Variants in MYH15 observed in about 807,000 individuals in gnomAD.
The protein encoded by MYH15 is myosin-15.
Under a neutral mutation model 240.5 loss-of-function variants are expected in MYH15, and 227 were observed. That is an observed-to-expected ratio of 0.94 (90% CI 0.85 to 1.05). The LOEUF (loss-of-function observed/expected upper bound fraction) is 1.05. Ranked by LOEUF, MYH15 falls within the 50% of genes least tolerant of loss-of-function variation. The pLI is 0.00. For missense variants in MYH15, 2,217 were observed against 2,247.5 expected (o/e 0.99, Z 0.27); for synonymous variants, 785 against 796.7 (o/e 0.99, Z 0.25).
At chr3:108,422,235 TTGAGACA>T (rs2082689485) in intron 27 of MYH15, among the ~76,000 whole-genome samples, 1 of 151,026 alleles carries the variant, frequency 6.6e-6, no homozygotes, top group African/African-American at 2.4e-5. Flanking sequence ...TTTTTTTTTT[TTGAGACA>T]GAGGCTCACT....
Position 108,464,651 on chromosome 3 carries a change from T to C in MYH15, c.1718A>G (p.His573Arg), listed in dbSNP as rs761774880. 6.2e-7 allele frequency: 1 copy of C among 1,612,384 alleles called. No individual in the cohort carries two copies. The highest frequency in any genetic ancestry group is 1.3e-5 in the African/African-American group (1 of 74,918). Residue 573 changes from histidine to arginine, a missense_variant, in exon 15 of 41, where the codon CAT becomes CGT. By Grantham distance (29) the His-to-Arg change is conservative (BLOSUM62 0). Transcript: ENST00000693548. ...KKFEAHFELV[H>R]YAGVVPYNIS... is the part of the protein sequence containing the mutation. ...GAGGTAACTCACCACTCCTGCATAA[T>C]GGACAAGTTCAAAATGAGCTTCAAA...
chr3:108,384,510 C>A (rs960780306), intron 39 of MYH15, among the ~76,000 whole-genome samples, 177 bp downstream of exon 39: 6 of 152,082 alleles, frequency 3.9e-5, no homozygotes, highest in Admixed American at 2.6e-4. Flanking sequence ...GGAAAAGCCA[C>A]GCACATTTTT....
chr3:108,491,406 C>T (rs1560423619), intron 9 of MYH15, among the ~76,000 whole-genome samples: 3 of 152,062 alleles, frequency 2.0e-5, no homozygotes, highest in East Asian at 3.9e-4. Flanking sequence ...ATGTTTATGG[C>T]ACTATCATTC....
Position 108,421,196 on chromosome 3 carries a change from A to G in MYH15, c.3721T>C (p.Cys1241Arg). 1 of 1,613,126 alleles carries G rather than the reference A, an allele frequency of 6.2e-7. No individual in the cohort carries two copies. Residue 1241 changes from cysteine to arginine, a missense_variant, in exon 28 of 41, where the codon TGT becomes CGT. Cys to Arg is a radical substitution (Grantham distance 180). Coordinates refer to ENST00000693548, the MANE Select transcript of MYH15 (RefSeq NM_014981.3). Reference sequence around the variant, plus strand: ...TGCAAGCGCTCTTCATATAGAGTACAGAGTTTCTCAGCATTTGCCTATAAG... The same window carrying G: ...TGCAAGCGCTCTTCATATAGAGTACGGAGTTTCTCAGCATTTGCCTATAAG... ...TRAKANAEKL[C>R]TLYEERLHEA...
At chr3:108,472,710 A>G (rs1358170448) in intron 12 of MYH15, among the ~76,000 whole-genome samples, 1 of 152,198 alleles carries the variant, frequency 6.6e-6, no homozygotes, top group African/African-American at 2.4e-5. Context: ...CAAGTAGTGG[A>G]GAAACACAAG....
intron 5 of MYH15, 78 bp downstream of exon 5, chr3:108,499,377 T>C (rs2083419460): frequency 7.1e-7 from 1 of 1,412,324 alleles, no homozygotes; most frequent in Admixed American, 1.8e-5. Flanking sequence ...ATCAAAGTTT[T>C]ATTCCCAGTG....
At chr3:108,478,966 T>A (rs1220984593) in intron 11 of MYH15, among the ~76,000 whole-genome samples, 6 of 152,204 alleles carry the variant, frequency 3.9e-5, no homozygotes, top group African/African-American at 1.4e-4. Flanking sequence ...ACAGGACTAG[T>A]GTACCCTGGA....
rs762179606 is a variant in MYH15, at chr3:108,470,197, G to A, written c.1399C>T (p.Gln467Ter). The change falls in exon 14 of 41, where the codon CAA (glutamine) becomes TAA (stop). Residue 467 changes from glutamine (Q) to a stop codon, truncating the protein, a stop_gained. Coordinates refer to ENST00000693548, the MANE Select transcript of MYH15 (RefSeq NM_014981.3). LOFTEE classifies it high-confidence loss of function. Reference sequence around the variant, plus strand: ...TCATTGGTAAAATTAATGCAAAGTTGCTCAAGGCTATTATACTTCAAGGAT... The same window carrying A: ...TCATTGGTAAAATTAATGCAAAGTTACTCAAGGCTATTATACTTCAAGGAT... ...FEILEYNSLE[Q>*]LCINFTNEKL... 6 of 1,605,716 alleles carry A rather than the reference G, an allele frequency of 3.7e-6. No individual in the cohort carries two copies. Among genetic ancestry groups the A allele is most frequent in the Admixed American group, 1.7e-5 (1 of 58,778 alleles).
At chr3:108,485,295 C>T in intron 10 of MYH15, 66 bp from the exon 11 acceptor site, 1 of 1,581,930 alleles carries the variant, frequency 6.3e-7, no homozygotes, top group Non-Finnish European at 8.6e-7. Context: ...CACCTCACCC[C>T]CGCTGTGTTA....
chr3:108,433,168 G>T (rs1057203091), intron 25 of MYH15, among the ~76,000 whole-genome samples: 2 of 152,176 alleles, frequency 1.3e-5, no homozygotes, highest in Non-Finnish European at 2.9e-5. Flanking sequence ...GTGTGCCCTG[G>T]ATGTGAGACA....
At chr3:108,513,296 A>G (rs2083534950), upstream of MYH15, among the ~76,000 whole-genome samples, 1 of 152,188 alleles carries the variant, frequency 6.6e-6, no homozygotes, top group Admixed American at 6.5e-5. Context: ...ATACTCACAC[A>G]TGTTTATCGG....
intron 26 of MYH15, among the ~76,000 whole-genome samples, chr3:108,430,419 C>T (rs1422689100): frequency 3.9e-5 from 6 of 152,178 alleles, no homozygotes; most frequent in Admixed American, 3.9e-4. Flanking sequence ...CAATCGCCTT[C>T]TAATCACAAA....
chr3:108,518,626 C>T (rs1021597790), intron 1 of MYH15, among the ~76,000 whole-genome samples: 1 of 152,182 alleles, frequency 6.6e-6, no homozygotes, highest in Non-Finnish European at 1.5e-5. Context: ...TGTCTCATCC[C>T]CAGGCCTGAC....
chr3:108,446,691 T>C (rs567250139), intron 21 of MYH15, among the ~76,000 whole-genome samples: 102 of 152,298 alleles, frequency 6.7e-4, no homozygotes, highest in East Asian at 1.5e-3. Context: ...CCTGGAGCGG[T>C]TAGCAACAAC....
rs529349972 is a variant in MYH15 at position 108,503,134 on chromosome 3, C to A, written c.196-1279G>T. Among the ~76,000 whole-genome samples the A allele has an allele frequency of 1.5e-4, 22 of 148,100 alleles. No individual in the cohort carries two copies. The South Asian group carries it at 4.6e-3, about 31-fold the overall frequency. ...GATAGTGAAGCTGGGGGAATGGGAC[C>A]TTCATTACATCAAAGAAGGACAAGC... On this transcript the variant is annotated intron_variant, in intron 2 of 40. Coordinates refer to ENST00000693548, the MANE Select transcript of MYH15 (RefSeq NM_014981.3).
chr3:108,493,199 G>C (rs2083366955), intron 7 of MYH15, 22 bp from the exon 8 acceptor site: 5 of 1,607,904 alleles, frequency 3.1e-6, no homozygotes, highest in African/African-American at 1.3e-5. Flanking sequence ...ACAGAACACA[G>C]TCAGACACAA....
At position 108,508,157 on chromosome 3, in the gene MYH15, A is replaced by G. The variant is rs1055490059; in HGVS notation, c.88+2286T>C. ...TCCTGCATTACAGCCTGCCTCCTCT[A>G]ACACATTCTTAGCTTTTTCTCCTCC... On this transcript the variant is annotated intron_variant, in intron 1 of 40. Transcript: ENST00000693548. Among the ~76,000 whole-genome samples, 5 of 152,238 alleles carry G rather than the reference A, an allele frequency of 3.3e-5. No individual in the cohort carries two copies. The South Asian group carries it at 8.3e-4, about 25-fold the overall frequency.
At chr3:108,503,596 C>T (rs1189137799) in intron 2 of MYH15, among the ~76,000 whole-genome samples, 2 of 152,124 alleles carry the variant, frequency 1.3e-5, no homozygotes, top group African/African-American at 4.8e-5. Flanking sequence ...AAATAAAAAT[C>T]ACATTAAAAT....
chr3:108,452,439 T>C (rs1288724927), intron 21 of MYH15, among the ~76,000 whole-genome samples: 1 of 152,126 alleles, frequency 6.6e-6, no homozygotes, highest in Non-Finnish European at 1.5e-5. Context: ...GCTGGAAAAT[T>C]GATAAATAAA....
Sources: gnomAD v4.1 joint callset for allele counts (sites outside exome capture counted in the v4.1 genomes callset) on GRCh38, gnomAD v4.1.1 for gene constraint, MANE v1.5 for transcripts, NCBI Gene and HGNC (gene_info 2026-07-23, HGNC 2026-07-21) for gene names.